The following CDC16 variants were observed in gnomAD, a reference collection of about 807,000 sequenced individuals.
The protein encoded by CDC16 is cell division cycle 16.
In CDC16, 34 loss-of-function variants were observed where a neutral mutation model predicts 87.0. That is an observed-to-expected ratio of 0.39 (90% CI 0.30 to 0.52). The LOEUF (loss-of-function observed/expected upper bound fraction) is 0.52, where lower values mean the gene tolerates loss of function less well. Ranked by LOEUF, CDC16 falls within the 20% of genes least tolerant of loss-of-function variation. The probability of loss-of-function intolerance (pLI) is 0.74; values close to 1 mark genes in which losing one functional copy is unlikely to be tolerated. For synonymous variants in CDC16, 263 were observed against 260.6 expected (o/e 1.01, Z -0.09); for missense variants, 653 against 751.9 (o/e 0.87, Z 1.54).
At chr13:114,259,270 A>C in intron 13 of CDC16, 65 bp from the exon 14 acceptor site, 2 of 1,190,296 alleles carry the variant, frequency 1.7e-6, no homozygotes, top group Non-Finnish European at 2.4e-6. Context: ...GGTAATCAAA[A>C]ATTTTTTTAA....
At chr13:114,271,651 A>ATTT (rs879291610) in intron 17 of CDC16, among the ~76,000 whole-genome samples, 2 of 143,722 alleles carry the variant, frequency 1.4e-5, no homozygotes, top group African/African-American at 5.1e-5. Context: ...ATTTTTTTGT[A>ATTT]TTTTTTTTTT....
At chr13:114,263,081 T>C in intron 16 of CDC16, 67 bp downstream of exon 16, 2 of 1,401,844 alleles carry the variant, frequency 1.4e-6, no homozygotes, top group Non-Finnish European at 2.0e-6. Context: ...TTTGAAAATA[T>C]TTTTTCTAGG....
chr13:114,258,311 A>G (rs2082633060), intron 13 of CDC16, among the ~76,000 whole-genome samples: 1 of 152,242 alleles, frequency 6.6e-6, no homozygotes, highest in African/African-American at 2.4e-5. Flanking sequence ...AGACATGCCC[A>G]GGGCTGGGAG....
intron 3 of CDC16, among the ~76,000 whole-genome samples, chr13:114,238,047 G>A (rs904594960): frequency 6.6e-6 from 1 of 152,204 alleles, no homozygotes; most frequent in South Asian, 2.1e-4. Flanking sequence ...CAGTCACGTG[G>A]TGCTGCTGTG....
At chr13:114,238,622 C>T (rs2081381203) in intron 3 of CDC16, among the ~76,000 whole-genome samples, 1 of 152,234 alleles carries the variant, frequency 6.6e-6, no homozygotes, top group South Asian at 2.1e-4. Flanking sequence ...AAGAGCTACC[C>T]AGTGCTCCAC....
rs1050462624 is a variant in CDC16, at chr13:114,262,802, G to GATATGGA, written c.1377-76_1377-70dup. 16 of 1,452,748 alleles carry GATATGGA rather than the reference G, an allele frequency of 1.1e-5. No homozygotes were observed. In the African/African-American group the frequency reaches 2.1e-4, roughly 19 times the overall value. 90.0% of individuals were successfully genotyped at this position (1,452,748 alleles called of 1,614,324 possible). On this transcript the variant is annotated intron_variant, in intron 15 of 17. Transcript: ENST00000356221. Reference sequence around the variant, plus strand: ...ATTGAGACAGCGTTTCTTGGGTGTTGATATGGATGGTTGCTCATCTTAGAC... The same window carrying GATATGGA: ...ATTGAGACAGCGTTTCTTGGGTGTTGATATGGAATATGGATGGTTGCTCATCTTAGAC...
At chr13:114,247,933 A>G (rs2081960944) in intron 11 of CDC16, among the ~76,000 whole-genome samples, 1 of 136,836 alleles carries the variant, frequency 7.3e-6, no homozygotes, top group South Asian at 2.3e-4. Context: ...ATAGAGAATA[A>G]TGTAGTTTGA....
At chr13:114,264,080 A>G (rs1453038918) in intron 16 of CDC16, 2 of 152,222 alleles carry the variant, frequency 1.3e-5, no homozygotes, top group African/African-American at 4.8e-5. Context: ...ACTGATTTTC[A>G]AGAGTTCATT....
intron 8 of CDC16, 69 bp from the exon 9 acceptor site, chr13:114,244,821 C>T (rs1250749136): frequency 2.2e-6 from 2 of 898,988 alleles, no homozygotes; most frequent in Non-Finnish European, 3.7e-6. Context: ...ACTGTCTACA[C>T]ATAGCCGATC....
intron 3 of CDC16, among the ~76,000 whole-genome samples, chr13:114,238,528 C>T (rs971538967): frequency 2.6e-5 from 4 of 151,576 alleles, no homozygotes; most frequent in Admixed American, 6.6e-5. Context: ...CCTCGGACGC[C>T]CAGCAGTTAT....
At chr13:114,243,786 C>T (rs968575558) in intron 7 of CDC16, 70 bp from the exon 8 acceptor site, 3 of 1,350,194 alleles carry the variant, frequency 2.2e-6, no homozygotes, top group Non-Finnish European at 3.1e-6. Flanking sequence ...TTGGGCCAAA[C>T]ACAAATTGAA....
chr13:114,242,097 T>C (rs766973005), intron 5 of CDC16, 24 bp from the exon 6 acceptor site: 2 of 1,587,044 alleles, frequency 1.3e-6, no homozygotes, highest in African/African-American at 1.4e-5. Flanking sequence ...TGACTTAATA[T>C]GTGACTCATC....
rs535525011 is a variant in CDC16 at position 114,245,268 on chromosome 13, C to G, written c.847+299C>G. 2.1e-3 allele frequency among the ~76,000 whole-genome samples: 324 copies of G among 151,510 alleles called. 1 individual carries two copies. The highest frequency in any genetic ancestry group is 3.4e-3 in the Middle Eastern group (1 of 294). ...GTTGGGTGTCAGTTCTGCCTCCCCC[C>G]CCCTTTTTTTTTTTTGTAAATTCCA... On this transcript the variant is annotated intron_variant, in intron 9 of 17. Coordinates refer to ENST00000356221, the MANE Select transcript of CDC16 (RefSeq NM_001078645.3).
chr13:114,241,585 T>A (rs1306062044), intron 5 of CDC16, among the ~76,000 whole-genome samples: 1 of 152,226 alleles, frequency 6.6e-6, no homozygotes, highest in Non-Finnish European at 1.5e-5. Flanking sequence ...GTACTTTTGT[T>A]ATAAAGATGT....
intron 13 of CDC16, among the ~76,000 whole-genome samples, chr13:114,258,528 A>G (rs2082645246): frequency 6.6e-6 from 1 of 152,178 alleles, no homozygotes. Context: ...GTTAATTGTG[A>G]TACACTTTTG....
chr13:114,248,062 A>G (rs1320371249), intron 11 of CDC16, among the ~76,000 whole-genome samples: 3 of 152,252 alleles, frequency 2.0e-5, no homozygotes, highest in Admixed American at 1.3e-4. Context: ...AAATGTGACT[A>G]TAAAACAGAA....
intron 5 of CDC16, among the ~76,000 whole-genome samples, chr13:114,240,732 A>G (rs1319395572): frequency 6.6e-6 from 1 of 152,102 alleles, no homozygotes; most frequent in Non-Finnish European, 1.5e-5. Context: ...GCATAAAAGA[A>G]TATTACACAT....
intron 17 of CDC16, among the ~76,000 whole-genome samples, chr13:114,271,292 T>G (rs17291612): frequency 6.6e-6 from 1 of 152,218 alleles, no homozygotes; most frequent in African/African-American, 2.4e-5. Flanking sequence ...TACCTATTTC[T>G]GAAAGCTATT....
In CDC16 at chr13:114,246,970, G is replaced by T. The variant is rs779267341; in HGVS notation, c.937G>T (p.Gly313Cys). 6.2e-7 allele frequency: 1 copy of T among 1,612,586 alleles called. No individual in the cohort carries two copies. Among genetic ancestry groups the T allele is most frequent in the African/African-American group, 1.3e-5 (1 of 74,764 alleles). ...FAVGCYYLMVGHKNEHARRYL... is the reference protein window; with the variant it reads ...FAVGCYYLMVCHKNEHARRYL... ...AGTGGGATGTTACTATCTCATGGTCGGTCATAAAAATGAACATGCCAGAAG... is the reference window on the plus strand; with the variant it reads ...AGTGGGATGTTACTATCTCATGGTCTGTCATAAAAATGAACATGCCAGAAG... Residue 313 changes from glycine to cysteine, a missense_variant, in exon 11 of 18, where the codon GGT becomes TGT. Gly to Cys is a radical substitution (Grantham distance 159, BLOSUM62 -3). Coordinates refer to ENST00000356221, the MANE Select transcript of CDC16 (RefSeq NM_001078645.3).
Sources: allele counts gnomAD v4.1 joint callset (sites outside exome capture counted in the v4.1 genomes callset), GRCh38; gene constraint gnomAD v4.1.1; transcripts MANE v1.5; gene names NCBI Gene and HGNC (gene_info 2026-07-23, HGNC 2026-07-21).